KIAA1671: variants seen among roughly 807,000 people sequenced by gnomAD.
The protein encoded by KIAA1671 is KIAA1671.
KIAA1671 carries 52 observed loss-of-function variants against 131.2 expected under a neutral mutation model. The observed-to-expected ratio is 0.40, with a 90% confidence interval of 0.32 to 0.50. The LOEUF (loss-of-function observed/expected upper bound fraction) is 0.50. Ranked by LOEUF, KIAA1671 falls within the 20% of genes least tolerant of loss-of-function variation. KIAA1671 has a pLI of 0.73. For synonymous variants in KIAA1671, 1,003 were observed against 961.6 expected (o/e 1.04, Z -0.80); for missense variants, 2,360 against 2,364.2 (o/e 1.00, Z 0.04).
intron 6 of KIAA1671, among the ~76,000 whole-genome samples, chr22:25,133,099 A>AATCACTTG (rs1932517589): frequency 6.6e-6 from 1 of 151,888 alleles, no homozygotes; most frequent in Non-Finnish European, 1.5e-5. Flanking sequence ...TATATTTAAG[A>AATCACTTG]ATCACTTGGT....
At chr22:25,164,896 C>T (rs959533639) in intron 6 of KIAA1671, among the ~76,000 whole-genome samples, 2 of 147,494 alleles carry the variant, frequency 1.4e-5, no homozygotes, top group African/African-American at 5.0e-5. Flanking sequence ...TGCAGTGAGC[C>T]GAGATTGTCC....
At chr22:25,111,134 G>C (rs1459855161) in intron 6 of KIAA1671, 1 of 152,334 alleles carries the variant, frequency 6.6e-6, no homozygotes, top group Non-Finnish European at 1.5e-5. Context: ...CAGCCGACCA[G>C]AGGTCCCAAG....
chr22:25,178,624 C>G (rs1460519854), intron 9 of KIAA1671, among the ~76,000 whole-genome samples: 1 of 152,244 alleles, frequency 6.6e-6, no homozygotes, highest in Non-Finnish European at 1.5e-5. Flanking sequence ...ACCATGCAGC[C>G]TGCTCATGGG....
chr22:25,155,887 TTG>T (rs2145985087), intron 6 of KIAA1671, among the ~76,000 whole-genome samples: 1 of 150,962 alleles, frequency 6.6e-6, no homozygotes, highest in Non-Finnish European at 1.5e-5. Context: ...GTACTTGTAT[TTG>T]TGTATGTGTA....
intron 6 of KIAA1671, among the ~76,000 whole-genome samples, chr22:25,072,443 C>T (rs1928878887): frequency 6.6e-6 from 1 of 152,128 alleles, no homozygotes; most frequent in African/African-American, 2.4e-5. Flanking sequence ...GTGACCAGGT[C>T]CTGGGGGAGT....
chr22:25,008,529 C>T (rs776073107), intron 1 of KIAA1671, among the ~76,000 whole-genome samples: 13 of 152,132 alleles, frequency 8.5e-5, no homozygotes, highest in Non-Finnish European at 1.6e-4. Flanking sequence ...ATTGATGCTT[C>T]GAGGATATAT....
intron 6 of KIAA1671, among the ~76,000 whole-genome samples, chr22:25,118,542 C>T (rs1472699193): frequency 3.3e-5 from 5 of 152,142 alleles, no homozygotes; most frequent in African/African-American, 7.2e-5. Context: ...CCACCTACTT[C>T]AGCCTCCCAA....
At chr22:25,069,790 T>G (rs549613260) in intron 6 of KIAA1671, among the ~76,000 whole-genome samples, 1 of 152,296 alleles carries the variant, frequency 6.6e-6, no homozygotes, top group Admixed American at 6.5e-5. Flanking sequence ...TGGCAGGGCC[T>G]CCTTCTCCTC....
chr22:25,138,814 T>C (rs1461676054), intron 6 of KIAA1671, among the ~76,000 whole-genome samples: 2 of 152,192 alleles, frequency 1.3e-5, no homozygotes, highest in Non-Finnish European at 2.9e-5. Flanking sequence ...AAAGTGTTGC[T>C]GAGTAGCTCT....
At chr22:24,977,832 A>T (rs529227392) in intron 1 of KIAA1671, among the ~76,000 whole-genome samples, 18 of 152,288 alleles carry the variant, frequency 1.2e-4, no homozygotes, top group African/African-American at 4.3e-4. Flanking sequence ...GCTTCCCCAC[A>T]TTCGGCACCG....
At chr22:25,138,387 A>AG (rs1339912804) in intron 6 of KIAA1671, among the ~76,000 whole-genome samples, 15 of 152,218 alleles carry the variant, frequency 9.9e-5, no homozygotes, top group African/African-American at 3.4e-4. Flanking sequence ...TGAGACCAAG[A>AG]GGGGTATATA....
rs548911465 is a variant in KIAA1671 at position 25,104,797 on chromosome 22, T to C, written c.4530+55433T>C. On this transcript the variant is annotated intron_variant, in intron 6 of 12. Transcript: ENST00000358431. ...ACCAGACCAGGGATTCTTAAAATTA[T>C]ACATTTTTGTATTTGATTTTGGGGA... 3.8e-4 allele frequency among the ~76,000 whole-genome samples: 58 copies of C among 152,298 alleles called. 1 individual carries two copies. The highest frequency in any genetic ancestry group is 1.4e-3 in the African/African-American group (57 of 41,572).
intron 6 of KIAA1671, among the ~76,000 whole-genome samples, chr22:25,155,544 ATG>A (rs1933202413): frequency 6.8e-6 from 1 of 147,390 alleles, no homozygotes; most frequent in African/African-American, 2.5e-5. Context: ...TTTTTTGTGT[ATG>A]TGTGTGCATT....
At chr22:25,186,999 T>A (rs958751671) in intron 11 of KIAA1671, among the ~76,000 whole-genome samples, 3 of 152,228 alleles carry the variant, frequency 2.0e-5, no homozygotes, top group African/African-American at 7.2e-5. Context: ...GGCTGAAGTC[T>A]GGAGTACCCT....
At chr22:25,013,574 A>T (rs937371463) in intron 1 of KIAA1671, 3 of 152,218 alleles carry the variant, frequency 2.0e-5, no homozygotes, top group African/African-American at 7.2e-5. Context: ...TGCAATATGC[A>T]CATCTCAGTC....
At chr22:25,187,115 C>G (rs1934500042) in intron 11 of KIAA1671, among the ~76,000 whole-genome samples, 1 of 152,194 alleles carries the variant, frequency 6.6e-6, no homozygotes, top group East Asian at 1.9e-4. Flanking sequence ...ATCTCTCACC[C>G]CCTCAGGTGC....
At chr22:24,953,262 A>G (rs1467780569) in intron 1 of KIAA1671, among the ~76,000 whole-genome samples, 2 of 152,212 alleles carry the variant, frequency 1.3e-5, no homozygotes, top group Admixed American at 1.3e-4. Context: ...CTAGGAGCTG[A>G]GGGATCGCTG....
chr22:25,011,156 T>A (rs544420781), intron 1 of KIAA1671: 1 of 152,084 alleles, frequency 6.6e-6, no homozygotes, highest in African/African-American at 2.4e-5. Context: ...TTTTTTTTTT[T>A]TTTTGAGACG....
At chr22:25,067,750 A>AG (rs1228498849) in intron 6 of KIAA1671, among the ~76,000 whole-genome samples, 2 of 152,176 alleles carry the variant, frequency 1.3e-5, no homozygotes, top group Admixed American at 1.3e-4. Flanking sequence ...CCAGACAGTC[A>AG]ACCCTTAGCA....
Sources: allele counts gnomAD v4.1 joint callset (sites outside exome capture counted in the v4.1 genomes callset), GRCh38; gene constraint gnomAD v4.1.1; transcripts MANE v1.5; gene names NCBI Gene and HGNC (gene_info 2026-07-23, HGNC 2026-07-21).